CNTNAP2: variants seen among roughly 807,000 people sequenced by gnomAD.
CNTNAP2 encodes contactin-associated protein-like 2.
In CNTNAP2, 98 loss-of-function variants were observed where a neutral mutation model predicts 155.2. The observed-to-expected ratio is 0.63, with a 90% CI of 0.54 to 0.75. The LOEUF (loss-of-function observed/expected upper bound fraction) is 0.75, where lower values mean the gene tolerates loss of function less well. CNTNAP2 is among the 30% of genes least tolerant of loss of function. The pLI, the probability that CNTNAP2 is intolerant of heterozygous loss-of-function variation, is 0.00. For synonymous variants in CNTNAP2, 651 were observed against 631.2 expected (o/e 1.03, Z -0.47); for missense variants, 1,727 against 1,688.1 (o/e 1.02, Z -0.40).
At chr7:146,572,444 T>G (rs758921113) in intron 1 of CNTNAP2, among the ~76,000 whole-genome samples, 1 of 152,130 alleles carries the variant, frequency 6.6e-6, no homozygotes, top group Non-Finnish European at 1.5e-5. Context: ...TTCATTTTCT[T>G]TACTTGATCT....
Position 146,447,918 on chromosome 7 carries a change from G to A in CNTNAP2, c.98-326353G>A, listed in dbSNP as rs931233145. ...TCAGTGTTTTGAATTTACGTCATAC[G>A]CACATTTGAAAAAATGGGGATAACA... On this transcript the variant is annotated intron_variant, in intron 1 of 23. Coordinates refer to ENST00000361727, the MANE Select transcript of CNTNAP2 (RefSeq NM_014141.6). Among the ~76,000 whole-genome samples, 12 of 151,810 alleles carry A rather than the reference G, an allele frequency of 7.9e-5. 1 individual carries two copies. Among genetic ancestry groups the A allele is most frequent in the Non-Finnish European group, 1.6e-4 (11 of 67,824 alleles).
chr7:146,809,042 C>T (rs573871746), intron 2 of CNTNAP2, among the ~76,000 whole-genome samples: 2 of 152,252 alleles, frequency 1.3e-5, no homozygotes, highest in East Asian at 3.9e-4. Context: ...ATGCAGATAT[C>T]CCTTCAACAT....
At chr7:147,538,033 G>C (rs944645867) in intron 11 of CNTNAP2, among the ~76,000 whole-genome samples, 2 of 152,176 alleles carry the variant, frequency 1.3e-5, no homozygotes, top group Non-Finnish European at 2.9e-5. Context: ...AGCTGAGTTA[G>C]TGGTGACTGT....
chr7:146,858,118 T>A (rs1795027776), intron 3 of CNTNAP2, among the ~76,000 whole-genome samples: 1 of 152,100 alleles, frequency 6.6e-6, no homozygotes, highest in Non-Finnish European at 1.5e-5. Context: ...CACAATTAGA[T>A]CTTGTTCTGG....
intron 2 of CNTNAP2, among the ~76,000 whole-genome samples, chr7:146,834,909 G>A (rs772346396): frequency 6.6e-6 from 1 of 152,066 alleles, no homozygotes; most frequent in Non-Finnish European, 1.5e-5. Context: ...AGTAAACAAA[G>A]TAATAAACTT....
chr7:146,447,317 T>G (rs1462011887), intron 1 of CNTNAP2, among the ~76,000 whole-genome samples: 3 of 152,100 alleles, frequency 2.0e-5, no homozygotes, highest in African/African-American at 7.2e-5. Flanking sequence ...AATAACTAGC[T>G]CTTTTCTTAT....
chr7:147,892,688 G>A (rs1001092891), intron 13 of CNTNAP2, among the ~76,000 whole-genome samples: 5 of 152,152 alleles, frequency 3.3e-5, no homozygotes, highest in African/African-American at 1.2e-4. Context: ...ATCAGTCCTT[G>A]ATTGAAATCT....
At chr7:146,413,336 C>A (rs371531131) in intron 1 of CNTNAP2, among the ~76,000 whole-genome samples, 4 of 152,290 alleles carry the variant, frequency 2.6e-5, no homozygotes, top group African/African-American at 9.6e-5. Flanking sequence ...CCACTTGCAA[C>A]TTGCTGTGGA....
At chr7:146,220,882 T>G (rs878866124) in intron 1 of CNTNAP2, among the ~76,000 whole-genome samples, 3 of 152,216 alleles carry the variant, frequency 2.0e-5, no homozygotes, top group South Asian at 4.1e-4. Context: ...AGATAAAATT[T>G]TGTTGCACTG....
intron 10 of CNTNAP2, among the ~76,000 whole-genome samples, chr7:147,473,073 G>A (rs960768444): frequency 3.3e-5 from 5 of 152,172 alleles, no homozygotes; most frequent in Admixed American, 1.3e-4. Context: ...AATAATGTGA[G>A]TTCAAATACG....
chr7:147,701,528 C>T (rs977402138), intron 13 of CNTNAP2, among the ~76,000 whole-genome samples: 84 of 152,240 alleles, frequency 5.5e-4, no homozygotes, highest in African/African-American at 2.0e-3. Context: ...CATATCCAAA[C>T]AGAGTATACT....
intron 2 of CNTNAP2, among the ~76,000 whole-genome samples, chr7:146,777,018 A>G (rs1802401731): frequency 6.6e-6 from 1 of 152,198 alleles, no homozygotes; most frequent in Non-Finnish European, 1.5e-5. Flanking sequence ...AGATAGAGAG[A>G]AATAGAATGC....
At chr7:146,624,418 A>T (rs78236690) in intron 1 of CNTNAP2, among the ~76,000 whole-genome samples, 3,265 of 152,114 alleles carry the variant, frequency 0.021, 74 homozygotes, top group Non-Finnish European at 0.027. Flanking sequence ...TGCACAAGAC[A>T]TATAGTTGGT....
intron 1 of CNTNAP2, among the ~76,000 whole-genome samples, chr7:146,161,678 G>A (rs1157402953): frequency 6.6e-6 from 1 of 152,062 alleles, no homozygotes; most frequent in Non-Finnish European, 1.5e-5. Flanking sequence ...AGTTCATATG[G>A]AACCAAAAAG....
chr7:147,696,382 G>T (rs1317831949), intron 13 of CNTNAP2, among the ~76,000 whole-genome samples: 1 of 151,972 alleles, frequency 6.6e-6, no homozygotes, highest in Non-Finnish European at 1.5e-5. Context: ...TTGCCCTAGG[G>T]TTTGCAATAA....
intron 1 of CNTNAP2, among the ~76,000 whole-genome samples, chr7:146,698,669 C>A (rs888480347): frequency 2.0e-5 from 3 of 152,024 alleles, no homozygotes; most frequent in Non-Finnish European, 2.9e-5. Flanking sequence ...TCTTTGAATT[C>A]GAAAAAGCAT....
chr7:147,646,946 T>G (rs1283977757), intron 13 of CNTNAP2, among the ~76,000 whole-genome samples: 1 of 150,572 alleles, frequency 6.6e-6, no homozygotes, highest in African/African-American at 2.4e-5. Flanking sequence ...AATACTAATT[T>G]TGTTTATTTG....
At chr7:146,602,341 G>A (rs928327859) in intron 1 of CNTNAP2, among the ~76,000 whole-genome samples, 11 of 152,180 alleles carry the variant, frequency 7.2e-5, no homozygotes, top group African/African-American at 2.7e-4. Context: ...GAGGTAGTTT[G>A]AAGAATTTAT....
intron 15 of CNTNAP2, among the ~76,000 whole-genome samples, chr7:148,114,424 ATTAT>A (rs1804420722): frequency 6.6e-6 from 1 of 152,242 alleles, no homozygotes; most frequent in Admixed American, 6.5e-5. Flanking sequence ...TGATTGAATA[ATTAT>A]TTATGAATGG....
Sources: allele counts gnomAD v4.1 joint callset (sites outside exome capture counted in the v4.1 genomes callset), GRCh38; gene constraint gnomAD v4.1.1; transcripts MANE v1.5; gene names NCBI Gene and HGNC (gene_info 2026-07-23, HGNC 2026-07-21).